The following DRC11 variants were observed in gnomAD, a reference collection of about 807,000 sequenced individuals.
DRC11 encodes the protein IQ and AAA domain-containing protein 1.
chr2:236,477,780 A>G, the DRC11 span, among the ~76,000 whole-genome samples: 2 of 152,148 alleles, frequency 1.3e-5, no homozygotes, highest in African/African-American at 4.8e-5. Flanking sequence ...GTACATGTCC[A>G]GAAATTTATC....
chr2:236,455,165 C>G, the DRC11 span: 1 of 152,272 alleles, frequency 6.6e-6, no homozygotes, highest in Non-Finnish European at 1.5e-5. The surrounding 1 kb of genome is among the most constrained non-coding windows in gnomAD (Gnocchi z 5.7). Flanking sequence ...CAAAATGACG[C>G]TGACCACCTA....
chr2:236,396,288 C>T, the DRC11 span, among the ~76,000 whole-genome samples: 1 of 78,024 alleles, frequency 1.3e-5, no homozygotes, highest in Admixed American at 2.1e-4. Flanking sequence ...CGTGGGGGGG[C>T]AATGAAAGAG....
chr2:236,479,198 A>G, the DRC11 span, among the ~76,000 whole-genome samples: 2 of 152,124 alleles, frequency 1.3e-5, 1 homozygote, highest in South Asian at 4.1e-4. This position sits in a 1 kb window ranked among gnomAD's most constrained non-coding sequence, Gnocchi z 4.1. Context: ...GGAATATCTT[A>G]TTCCATTCCT....
the DRC11 span, among the ~76,000 whole-genome samples, chr2:236,440,131 A>G: frequency 6.6e-6 from 1 of 152,246 alleles, no homozygotes; most frequent in Non-Finnish European, 1.5e-5. Flanking sequence ...AAGCATGCAC[A>G]TGAATGTTAT....
the DRC11 span, among the ~76,000 whole-genome samples, chr2:236,363,509 A>C: frequency 6.6e-6 from 1 of 152,176 alleles, no homozygotes; most frequent in Non-Finnish European, 1.5e-5. The surrounding 1 kb of genome is among the most constrained non-coding windows in gnomAD (Gnocchi z 5.6). Context: ...TGTGGGTTTA[A>C]TTTTCAATGA....
the DRC11 span, among the ~76,000 whole-genome samples, chr2:236,503,303 G>A: frequency 6.6e-6 from 1 of 152,190 alleles, no homozygotes; most frequent in African/African-American, 2.4e-5. This position sits in a 1 kb window ranked among gnomAD's most constrained non-coding sequence, Gnocchi z 4.9. Context: ...CGACCTGATG[G>A]GGCAGAGCAC....
the DRC11 span, among the ~76,000 whole-genome samples, chr2:236,502,696 A>C: frequency 1.3e-5 from 2 of 152,180 alleles, no homozygotes; most frequent in East Asian, 3.9e-4. Context: ...AGCCACATGA[A>C]ATCTAGCTAA....
At chr2:236,344,477 C>A in the DRC11 span, 1 of 951,980 alleles carries the variant, frequency 1.1e-6, no homozygotes, top group Non-Finnish European at 1.6e-6. Flanking sequence ...AAGACCTTCT[C>A]AAAAAGTAGA....
At chr2:236,375,562 C>A in the DRC11 span, among the ~76,000 whole-genome samples, 1 of 152,090 alleles carries the variant, frequency 6.6e-6, no homozygotes, top group South Asian at 2.1e-4. This position sits in a 1 kb window ranked among gnomAD's most constrained non-coding sequence, Gnocchi z 4.2. Flanking sequence ...AATATTCCAG[C>A]AAAATTCTTA....
chr2:236,408,484 C>T, the DRC11 span: 6 of 738,092 alleles, frequency 8.1e-6, no homozygotes, highest in African/African-American at 6.9e-5. The surrounding 1 kb of genome is among the most constrained non-coding windows in gnomAD (Gnocchi z 5.5). Context: ...CCTCTCCCGG[C>T]CCCAGTCCAG....
chr2:236,368,044 A>G, the DRC11 span: 1 of 674,040 alleles, frequency 1.5e-6, no homozygotes, highest in Non-Finnish European at 2.7e-6. Context: ...TGGGTGCACT[A>G]TCAAAATGAA....
chr2:236,473,477 G>T, the DRC11 span, among the ~76,000 whole-genome samples: 1 of 152,206 alleles, frequency 6.6e-6, no homozygotes, highest in Non-Finnish European at 1.5e-5. The surrounding 1 kb of genome is among the most constrained non-coding windows in gnomAD (Gnocchi z 4.8). Flanking sequence ...GATGCTTTTA[G>T]GATTCAGTAG....
chr2:236,407,027 G>A, the DRC11 span, among the ~76,000 whole-genome samples: 1 of 152,126 alleles, frequency 6.6e-6, no homozygotes, highest in Non-Finnish European at 1.5e-5. Flanking sequence ...TTACAGGCAT[G>A]AGCCACCGCG....
the DRC11 span, among the ~76,000 whole-genome samples, chr2:236,434,439 T>C: frequency 6.6e-6 from 1 of 152,268 alleles, no homozygotes; most frequent in African/African-American, 2.4e-5. This position sits in a 1 kb window ranked among gnomAD's most constrained non-coding sequence, Gnocchi z 5.5. Context: ...GGTTTCAATA[T>C]GCCAAGCTCT....
chr2:236,345,078 CTG>C, the DRC11 span, among the ~76,000 whole-genome samples: 1 of 115,840 alleles, frequency 8.6e-6, no homozygotes. Context: ...GTGCTTCCCT[CTG>C]GGGTGTGCAG....
At chr2:236,504,140 T>A in the DRC11 span, among the ~76,000 whole-genome samples, 64 of 151,872 alleles carry the variant, frequency 4.2e-4, 1 homozygote, top group African/African-American at 1.5e-3. The surrounding 1 kb of genome is among the most constrained non-coding windows in gnomAD (Gnocchi z 5.0). Context: ...ACCCCTAACC[T>A]AATTTCCATC....
the DRC11 span, among the ~76,000 whole-genome samples, chr2:236,487,740 A>C: frequency 6.6e-6 from 1 of 152,240 alleles, no homozygotes; most frequent in East Asian, 1.9e-4. Context: ...CATTCATTTC[A>C]ACAATTACCA....
At chr2:236,409,426 T>C in the DRC11 span, among the ~76,000 whole-genome samples, 1 of 152,146 alleles carries the variant, frequency 6.6e-6, no homozygotes. Context: ...TGTTGGTGTA[T>C]AAGAATGCTT....
chr2:236,372,573 G>C, the DRC11 span, among the ~76,000 whole-genome samples: 6 of 151,948 alleles, frequency 3.9e-5, no homozygotes, highest in African/African-American at 1.5e-4. This position sits in a 1 kb window ranked among gnomAD's most constrained non-coding sequence, Gnocchi z 4.5. Flanking sequence ...ACAGGAAAAG[G>C]CCTAAAAGAA....
Sources: gnomAD v4.1 joint callset for allele counts (sites outside exome capture counted in the v4.1 genomes callset) on GRCh38, gnomAD v4.1.1 for gene constraint, Gnocchi (gnomAD v3.1) non-coding constraint, MANE v1.5 for transcripts, NCBI Gene and HGNC (gene_info 2026-07-23, HGNC 2026-07-21) for gene names.